The following SPNS2 variants were observed in gnomAD, a reference collection of about 807,000 sequenced individuals.
The protein encoded by SPNS2 is SPNS lysolipid transporter 2, sphingosine-1-phosphate.
In SPNS2, 37 loss-of-function variants were observed where a neutral mutation model predicts 57.6. The observed-to-expected ratio is 0.64, with a 90% CI of 0.49 to 0.85. The LOEUF (loss-of-function observed/expected upper bound fraction) is 0.85, where lower values mean the gene tolerates loss of function less well. SPNS2 is among the 40% of genes least tolerant of loss of function. The pLI is 0.00. For missense variants in SPNS2, 831 were observed against 779.1 expected, an observed-to-expected ratio of 1.07 and a Z score of -0.79; for synonymous variants, 440 against 346.9, an observed-to-expected ratio of 1.27 and a Z score of -2.98.
At chr17:4,529,098 G>A (rs1462319591) in intron 3 of SPNS2, among the ~76,000 whole-genome samples, 2 of 151,636 alleles carry the variant, frequency 1.3e-5, no homozygotes, top group African/African-American at 2.4e-5. Flanking sequence ...AACACACCCG[G>A]CTAATTTTTG....
At chr17:4,503,168 G>A (rs1904576791) in intron 1 of SPNS2, among the ~76,000 whole-genome samples, 1 of 152,218 alleles carries the variant, frequency 6.6e-6, no homozygotes, top group East Asian at 1.9e-4. Context: ...ACGGGGGGCG[G>A]AGCAGGGCCA....
chr17:4,512,638 G>A lies in SPNS2; in HGVS notation c.371-609G>A, dbSNP rs1904862964. On this transcript the variant is annotated intron_variant, in intron 1 of 12. Transcript: ENST00000329078. This position sits in a 1 kb window ranked among gnomAD's most constrained non-coding sequence, Gnocchi z 5.2. ...GAGGGCAGCTGGGGTGACAGTGTGT[G>A]TGTGTGCGTGCGCGCGCACGGGTAT... 1.3e-5 allele frequency among the ~76,000 whole-genome samples: 2 copies of A among 152,028 alleles called. No individual in the cohort carries two copies. The highest frequency in any genetic ancestry group is 1.3e-4 in the Admixed American group (2 of 15,276).
chr17:4,508,694 G>A (rs959641933), intron 1 of SPNS2, among the ~76,000 whole-genome samples: 5 of 152,234 alleles, frequency 3.3e-5, no homozygotes, highest in African/African-American at 1.2e-4. Context: ...TACCCACTGG[G>A]CCAATACTCG....
rs887983306 is a variant in SPNS2 at position 4,524,925 on chromosome 17, G to A, written c.437-132G>A. ...ACCTTCCTGGGGTGCAGGTCGGGCC[G>A]AGGTTTCCTCTCTGGGCTGCTTCCT... On this transcript the variant is annotated intron_variant, in intron 2 of 12. Transcript: ENST00000329078. 2.5e-5 allele frequency: 34 copies of A among 1,341,780 alleles called. No individual in the cohort carries two copies. In the East Asian group the frequency reaches 4.1e-4, roughly 16 times the overall value. 83.1% of individuals were successfully genotyped at this position (1,341,780 alleles called of 1,614,324 possible). A position where few individuals can be genotyped will look rare whatever the true frequency, so the allele number is the denominator to read the frequency against.
At position 4,533,963 on chromosome 17, in the gene SPNS2, G is replaced by A. The variant is rs1045654188; in HGVS notation, c.1344+110G>A. The A allele has an allele frequency of 2.8e-6, 3 of 1,054,066 alleles. No homozygotes were observed. In the African/African-American group the frequency reaches 4.6e-5, roughly 16 times the overall value. 65.3% of individuals were successfully genotyped at this position (1,054,066 alleles called of 1,614,324 possible). A position where few individuals can be genotyped will look rare whatever the true frequency, so the allele number is the denominator to read the frequency against. On this transcript the variant is annotated intron_variant, in intron 9 of 12. Coordinates refer to ENST00000329078, the MANE Select transcript of SPNS2 (RefSeq NM_001124758.3). ...GGGCGGGAGAGCTGGTAGGAAGGCA[G>A]GCCTGCCAGGAACGTGAACCCAGAG...
chr17:4,536,959 C>G lies in SPNS2; in HGVS notation c.*4+13C>G. 1 of 1,612,166 alleles carries G rather than the reference C, an allele frequency of 6.2e-7. No homozygotes were observed. Among genetic ancestry groups the G allele is most frequent in the Non-Finnish European group, 8.5e-7 (1 of 1,179,244 alleles). On this transcript the variant is annotated intron_variant, in intron 12 of 12. Transcript: ENST00000329078. Reference sequence around the variant, plus strand: ...AAAGTCTGAGGTGGTGAGTGCAGGCCGGGAGGCACGTGGGGGCTCCCTAAG... The same window carrying G: ...AAAGTCTGAGGTGGTGAGTGCAGGCGGGGAGGCACGTGGGGGCTCCCTAAG...
At chr17:4,502,379 CAA>C (rs11327895) in intron 1 of SPNS2, among the ~76,000 whole-genome samples, 29,158 of 138,928 alleles carry the variant, frequency 0.21, 3,908 homozygotes, top group East Asian at 0.64. Context: ...GGCTCTGTCT[CAA>C]AAAAAAAAAA....
chr17:4,521,221 C>G (rs1320064725), intron 2 of SPNS2, among the ~76,000 whole-genome samples: 2 of 152,206 alleles, frequency 1.3e-5, no homozygotes, highest in African/African-American at 4.8e-5. Flanking sequence ...CTGATTCCTT[C>G]TGTCCACTTG....
intron 2 of SPNS2, among the ~76,000 whole-genome samples, chr17:4,516,331 A>AC (rs1567590028): frequency 5.3e-5 from 6 of 113,586 alleles, no homozygotes; most frequent in African/African-American, 1.0e-4. Flanking sequence ...AAAAAAAAAA[A>AC]AAAAAAAAAA....
intron 12 of SPNS2, 139 bp from the exon 13 acceptor site, chr17:4,537,314 C>T: frequency 2.4e-6 from 1 of 418,380 alleles, no homozygotes; most frequent in Non-Finnish European, 4.6e-6. Flanking sequence ...AGCTTCCCAG[C>T]AGCACGAGAC....
Position 4,513,324 on chromosome 17 carries a change from C to T in SPNS2, c.436+12C>T. On this transcript the variant is annotated intron_variant, in intron 2 of 12. Coordinates refer to ENST00000329078, the MANE Select transcript of SPNS2 (RefSeq NM_001124758.3). The stretch of plus-strand genomic sequence containing the variant: ...CCTGCTGCAGTCAGGTGAGGCCCAC[C>T]TCCCACCTTCCCCCCCACGCCCAGG... 2 of 1,613,364 alleles carry T rather than the reference C, an allele frequency of 1.2e-6. No homozygotes were observed. Among genetic ancestry groups the T allele is most frequent in the Non-Finnish European group, 1.7e-6 (2 of 1,179,510 alleles).
chr17:4,505,037 G>T (rs1730589629), intron 1 of SPNS2, among the ~76,000 whole-genome samples: 1 of 152,180 alleles, frequency 6.6e-6, no homozygotes, highest in African/African-American at 2.4e-5. Flanking sequence ...TGTCCCTGGT[G>T]GGTCTCAGCG....
rs751192018 is a variant in SPNS2, at chr17:4,532,596, G to T, written c.847G>T (p.Ala283Ser). The T allele has an allele frequency of 7.4e-6, 12 of 1,614,064 alleles. No individual in the cohort carries two copies. Among genetic ancestry groups the T allele is most frequent in the Non-Finnish European group, 1.0e-5 (12 of 1,180,054 alleles). Residue 283 changes from alanine to serine, a missense_variant, in exon 6 of 13, where the codon GCC becomes TCC. Coordinates refer to ENST00000329078, the MANE Select transcript of SPNS2 (RefSeq NM_001124758.3). ...TGTLILILVPATKRGHADQLG... is the reference protein window; with the variant it reads ...TGTLILILVPSTKRGHADQLG... ...AACACTCATCCTCATTCTGGTCCCA[G>T]CCACTAAAAGGGGTCATGCCGACCA...
chr17:4,501,381 C>CT (rs1235867407), intron 1 of SPNS2, among the ~76,000 whole-genome samples: 1 of 152,124 alleles, frequency 6.6e-6, no homozygotes, highest in Non-Finnish European at 1.5e-5. Context: ...ACTCAGGTCT[C>CT]TGAGTCAGAT....
chr17:4,524,072 G>A (rs868133939), intron 2 of SPNS2, among the ~76,000 whole-genome samples: 15 of 152,302 alleles, frequency 9.8e-5, no homozygotes, highest in Middle Eastern at 3.4e-3. Context: ...GCCCTGCGGC[G>A]CGCTGGGAGT....
chr17:4,516,394 T>C (rs118109300), intron 2 of SPNS2, among the ~76,000 whole-genome samples: 1 of 149,384 alleles, frequency 6.7e-6, no homozygotes, highest in South Asian at 2.1e-4. Flanking sequence ...GGAGCCCCCA[T>C]GGCCTACACC....
rs1904847835 is a variant in SPNS2 at position 4,512,240 on chromosome 17, CG to C, written c.371-1003del. On this transcript the variant is annotated intron_variant, in intron 1 of 12. Coordinates refer to ENST00000329078, the MANE Select transcript of SPNS2 (RefSeq NM_001124758.3). This position sits in a 1 kb window ranked among gnomAD's most constrained non-coding sequence, Gnocchi z 5.2. ...CTCACTGCAGATGTGCTATGGTCAG[CG>C]GGGCTCTGGCCTGTGCCCTGGGTCC... is the stretch of plus-strand genomic sequence containing the variant. 6.6e-6 allele frequency among the ~76,000 whole-genome samples: 1 copy of C among 152,204 alleles called. No individual in the cohort carries two copies. Among genetic ancestry groups the C allele is most frequent in the African/African-American group, 2.4e-5 (1 of 41,444 alleles).
In SPNS2 at chr17:4,510,105, A is replaced by T. The variant is rs1904791528; in HGVS notation, c.371-3142A>T. Among the ~76,000 whole-genome samples, 6 of 152,272 alleles carry T rather than the reference A, an allele frequency of 3.9e-5. No individual in the cohort carries two copies. Among genetic ancestry groups the T allele is most frequent in the Admixed American group, 3.9e-4 (6 of 15,292 alleles). ...ACACACGCTTCCCGTGCCAGCGGCC[A>T]GCGGGATCTCACCCTCCTGTGGCTG... On this transcript the variant is annotated intron_variant, in intron 1 of 12. Coordinates refer to ENST00000329078, the MANE Select transcript of SPNS2 (RefSeq NM_001124758.3). This position sits in a 1 kb window ranked among gnomAD's most constrained non-coding sequence, Gnocchi z 4.4.
Position 4,533,033 on chromosome 17 carries a change from C to G in SPNS2, c.992C>G (p.Ala331Gly). The change falls in exon 7 of 13, where the codon GCC (alanine) becomes GGC (glycine). Residue 331 changes from alanine (A) to glycine (G), a missense_variant. Ala to Gly is a moderately conservative substitution (Grantham distance 60). Coordinates refer to ENST00000329078, the MANE Select transcript of SPNS2 (RefSeq NM_001124758.3). ...ATSAVSFATG[A>G]LGMWIPLYLH... ...TCGGCTGTCTCCTTCGCCACGGGGGCCCTGGGCATGTGGATCCCGCTCTAC... is the reference window on the plus strand; with the variant it reads ...TCGGCTGTCTCCTTCGCCACGGGGGGCCTGGGCATGTGGATCCCGCTCTAC... 1.2e-6 allele frequency: 2 copies of G among 1,613,380 alleles called. No homozygotes were observed. The highest frequency in any genetic ancestry group is 1.3e-5 in the African/African-American group (1 of 75,060).
Sources: allele counts gnomAD v4.1 joint callset (sites outside exome capture counted in the v4.1 genomes callset), GRCh38; gene constraint gnomAD v4.1.1; non-coding constraint Gnocchi (gnomAD v3.1); transcripts MANE v1.5; gene names NCBI Gene and HGNC (gene_info 2026-07-23, HGNC 2026-07-21).